Variants in VRK2 observed in about 807,000 individuals in gnomAD.
VRK2 encodes the protein serine/threonine-protein kinase VRK2.
In VRK2, 60 loss-of-function variants were observed where a neutral mutation model predicts 57.6. That is an observed-to-expected ratio of 1.04 (90% CI 0.85 to 1.29). The LOEUF is 1.29. Ranked by LOEUF, VRK2 falls within the 50% of genes most tolerant of loss-of-function variation. The pLI is 0.00. For synonymous variants in VRK2, 231 were observed against 199.2 expected, an observed-to-expected ratio of 1.16 and a Z score of -1.35; for missense variants, 705 against 588.1, an observed-to-expected ratio of 1.20 and a Z score of -2.06.
chr2:58,008,754 TGA>T (rs1434837723), intron 1 of VRK2, among the ~76,000 whole-genome samples: 40 of 152,268 alleles, frequency 2.6e-4, no homozygotes, highest in Admixed American at 1.8e-3. Flanking sequence ...TGGTTATATC[TGA>T]TAAAGGAGGA....
intron 2 of VRK2, among the ~76,000 whole-genome samples, chr2:58,066,341 G>T (rs1018824472): frequency 6.6e-6 from 1 of 152,072 alleles, no homozygotes; most frequent in East Asian, 1.9e-4. Context: ...ATATGATCAG[G>T]TGGTTCTTCT....
At chr2:57,908,424 G>C (rs1669891019) in intron 1 of VRK2, among the ~76,000 whole-genome samples, 1 of 152,020 alleles carries the variant, frequency 6.6e-6, no homozygotes, top group Non-Finnish European at 1.5e-5. Context: ...AATTTTGTCT[G>C]TGTCTCTCTA....
chr2:58,018,805 A>G (rs1447249936), intron 1 of VRK2, among the ~76,000 whole-genome samples: 1 of 152,198 alleles, frequency 6.6e-6, no homozygotes, highest in Non-Finnish European at 1.5e-5. Flanking sequence ...TTATAAGGGT[A>G]TAATGACAGG....
intron 1 of VRK2, among the ~76,000 whole-genome samples, chr2:57,970,154 C>A (rs1290332492): frequency 6.8e-6 from 1 of 148,090 alleles, no homozygotes; most frequent in Non-Finnish European, 1.5e-5. Context: ...ATGATGTAAA[C>A]ATATAATCAT....
At chr2:58,086,928 T>C (rs915136108) in intron 5 of VRK2, among the ~76,000 whole-genome samples, 6 of 152,182 alleles carry the variant, frequency 3.9e-5, no homozygotes, top group African/African-American at 1.4e-4. Flanking sequence ...AGGGATATTA[T>C]CGCTTCTGCT....
rs535838247 is a variant in VRK2, at chr2:58,053,838, A to T, written c.136+4871A>T. On this transcript the variant is annotated intron_variant, in intron 2 of 12. Transcript: ENST00000340157. ...TGCAATTGTTATTAGGCAATTTTGC[A>T]AATGATACTGTGGGAGTGAAGAGAA... Among the ~76,000 whole-genome samples, 67 of 152,294 alleles carry T rather than the reference A, an allele frequency of 4.4e-4. 1 individual carries two copies. The South Asian group carries it at 0.013, about 30-fold the overall frequency.
intron 12 of VRK2, among the ~76,000 whole-genome samples, chr2:58,153,228 A>G (rs1683316939): frequency 6.6e-6 from 1 of 152,034 alleles, no homozygotes; most frequent in Non-Finnish European, 1.5e-5. Flanking sequence ...TTTTGTGTAC[A>G]TGAGCAGTTC....
intron 1 of VRK2, among the ~76,000 whole-genome samples, chr2:57,918,907 T>C (rs375515863): frequency 1.6e-4 from 25 of 152,264 alleles, no homozygotes; most frequent in African/African-American, 5.8e-4. Context: ...TTTCTATGTA[T>C]CTGAAGATTT....
intron 1 of VRK2, chr2:58,047,079 C>T (rs1674888612): frequency 1.4e-6 from 1 of 692,324 alleles, no homozygotes; most frequent in South Asian, 6.5e-5. Context: ...AACAAGGCGT[C>T]CCCTTCTACT....
At chr2:58,104,208 C>A (rs1674421235) in intron 7 of VRK2, among the ~76,000 whole-genome samples, 1 of 151,728 alleles carries the variant, frequency 6.6e-6, no homozygotes, top group Non-Finnish European at 1.5e-5. Context: ...GATAGCCTAG[C>A]TAGAGCATTC....
chr2:58,124,000 G>A (rs1048014148), intron 8 of VRK2, among the ~76,000 whole-genome samples: 3 of 152,022 alleles, frequency 2.0e-5, no homozygotes, highest in African/African-American at 2.4e-5. Context: ...TCTCCCAGTC[G>A]CCTTTCATAT....
chr2:57,960,645 C>A (rs1438899856), intron 1 of VRK2, among the ~76,000 whole-genome samples: 1 of 152,160 alleles, frequency 6.6e-6, no homozygotes, highest in Non-Finnish European at 1.5e-5. Context: ...ACAGTGAACT[C>A]CCACACACAT....
intron 1 of VRK2, among the ~76,000 whole-genome samples, chr2:57,997,738 A>G (rs1250266806): frequency 1.3e-5 from 2 of 152,028 alleles, no homozygotes; most frequent in Admixed American, 6.6e-5. Flanking sequence ...CACCGTCTCT[A>G]CAAAAATTAG....
At chr2:58,004,428 A>G (rs17049294) in intron 1 of VRK2, among the ~76,000 whole-genome samples, 3 of 152,298 alleles carry the variant, frequency 2.0e-5, no homozygotes, top group African/African-American at 7.2e-5. Flanking sequence ...GCTTTTTATT[A>G]GAATGGCAAT....
At chr2:58,137,362 T>C (rs2104593421) in intron 10 of VRK2, among the ~76,000 whole-genome samples, 1 of 151,320 alleles carries the variant, frequency 6.6e-6, no homozygotes, top group African/African-American at 2.4e-5. Context: ...CCCTGAATTG[T>C]ACAAGACAAA....
intron 1 of VRK2, among the ~76,000 whole-genome samples, chr2:57,988,735 C>G (rs1672674043): frequency 6.6e-6 from 1 of 152,196 alleles, no homozygotes; most frequent in Non-Finnish European, 1.5e-5. Flanking sequence ...ACCTTCAACT[C>G]CCCTGGTTCT....
intron 2 of VRK2, among the ~76,000 whole-genome samples, chr2:58,068,673 A>G (rs903157559): frequency 6.6e-5 from 10 of 151,882 alleles, no homozygotes; most frequent in African/African-American, 1.4e-4. Context: ...GTTACTGCCT[A>G]TAAGTTTCTA....
At chr2:58,155,395 C>G (rs918688754) in intron 12 of VRK2, among the ~76,000 whole-genome samples, 4 of 152,090 alleles carry the variant, frequency 2.6e-5, no homozygotes, top group Non-Finnish European at 5.9e-5. Context: ...ACTACGGTCT[C>G]TACAGTGTCT....
intron 1 of VRK2, among the ~76,000 whole-genome samples, chr2:57,932,263 G>C (rs943470694): frequency 1.3e-5 from 2 of 152,102 alleles, no homozygotes; most frequent in African/African-American, 4.8e-5. Flanking sequence ...GGAAGAGTTT[G>C]AGGAAGACTG....
Sources: allele counts gnomAD v4.1 joint callset (sites outside exome capture counted in the v4.1 genomes callset), GRCh38; gene constraint gnomAD v4.1.1; transcripts MANE v1.5; gene names NCBI Gene and HGNC (gene_info 2026-07-23, HGNC 2026-07-21).